The following SOX1 variants were observed in gnomAD, a reference collection of about 807,000 sequenced individuals.
The protein encoded by SOX1 is transcription factor SOX-1.
SOX1 carries 1 observed loss-of-function variant against 0.9 expected under a neutral mutation model. That is an observed-to-expected ratio of 1.07 (90% CI 0.38 to 5.06). The LOEUF (loss-of-function observed/expected upper bound fraction) is 5.06. SOX1 is among the 30% of genes most tolerant of loss of function. The probability of loss-of-function intolerance (pLI) is 0.16; values close to 1 mark genes in which losing one functional copy is unlikely to be tolerated. For synonymous variants in SOX1, 397 were observed against 265.5 expected, an observed-to-expected ratio of 1.50 and a Z score of -4.81; for missense variants, 564 against 534.4, an observed-to-expected ratio of 1.06 and a Z score of -0.55.
In SOX1 at chr13:112,067,210, G is replaced by A. The variant is rs1291126965; in HGVS notation, c.-449G>A. ...AGAAGTTGCAGCCTCCGAGTTGGAG[G>A]CCGCTGAGGACCGAGCGCAGGAGGA... is the stretch of plus-strand genomic sequence containing the variant. On this transcript the variant is annotated 5_prime_UTR_variant, in exon 1 of 1. Coordinates refer to ENST00000330949, the MANE Select transcript of SOX1 (RefSeq NM_005986.3). The surrounding 1 kb of genome is among the most constrained non-coding windows in gnomAD (Gnocchi z 5.1). Among the ~76,000 whole-genome samples, 6 of 151,970 alleles carry A rather than the reference G, an allele frequency of 3.9e-5. No individual in the cohort carries two copies. The highest frequency in any genetic ancestry group is 7.2e-5 in the African/African-American group (3 of 41,410).
rs370950886 is a variant in SOX1, at chr13:112,068,075, C to T, written c.417C>T (p.Gly139=). ...LLKKDKYSLA[G]GLLAAGAGGG... is the part of the protein sequence containing the mutation. ...AGAAGGACAAGTACTCGCTGGCCGGCGGGCTCCTGGCGGCCGGCGCGGGTG... is the reference window on the plus strand; with the variant it reads ...AGAAGGACAAGTACTCGCTGGCCGGTGGGCTCCTGGCGGCCGGCGCGGGTG... The change falls in exon 1 of 1, where the codon GGC becomes GGT. Residue 139 remains glycine (G), a synonymous_variant. Coordinates refer to ENST00000330949, the MANE Select transcript of SOX1 (RefSeq NM_005986.3). This position sits in a 1 kb window ranked among gnomAD's most constrained non-coding sequence, Gnocchi z 6.9. 27 of 1,564,952 alleles carry T rather than the reference C, an allele frequency of 1.7e-5. No homozygotes were observed. The African/African-American group carries it at 3.2e-4, about 19-fold the overall frequency.
rs1325646342 is a variant in SOX1 at position 112,070,142 on chromosome 13, T to TA, written c.*1309dup. On this transcript the variant is annotated 3_prime_UTR_variant, in exon 1 of 1. Coordinates refer to ENST00000330949, the MANE Select transcript of SOX1 (RefSeq NM_005986.3). ...GAAACACAATCGCTGAACCAAAACG[T>TA]ACTGCAGCCGAGCCCCCTCCGTCCA... 6.0e-6 allele frequency: 1 copy of TA among 167,232 alleles called. No individual in the cohort carries two copies. Among genetic ancestry groups the TA allele is most frequent in the East Asian group, 1.9e-4 (1 of 5,194 alleles). 10.4% of individuals were successfully genotyped at this position (167,232 alleles called of 1,614,324 possible). A position where few individuals can be genotyped will look rare whatever the true frequency, so the allele number is the denominator to read the frequency against.
chr13:112,068,828 C>A lies in SOX1; in HGVS notation c.1170C>A (p.His390Gln). ...TGAACGGCACGGTGCCCCTGACGCA[C>A]ATCTAGCGCCTTCGGGACGCCGGGG... ...AGVNGTVPLT[H>Q]I Residue 390 changes from histidine (H) to glutamine (Q), a missense_variant, in exon 1 of 1, where the codon CAC becomes CAA. His to Gln is a conservative substitution (Grantham distance 24). Transcript: ENST00000330949. This position sits in a 1 kb window ranked among gnomAD's most constrained non-coding sequence, Gnocchi z 6.9. 5 of 1,219,024 alleles carry A rather than the reference C, an allele frequency of 4.1e-6. No individual in the cohort carries two copies. The highest frequency in any genetic ancestry group is 5.1e-6 in the Non-Finnish European group (5 of 973,164). The allele number at this position is 1,219,024 out of a possible 1,614,324, so 75.5% of individuals were successfully genotyped here.
In SOX1 at chr13:112,067,392, AGACGGCGACCCCGAC is replaced by A. The variant is rs1880744738; in HGVS notation, c.-266_-252del. ...GGCGCCTGGGCTGCGGTGGCGGCGA[AGACGGCGACCCCGAC>A]CGTCGGCCTCTTTGGCAAGTGGTTT... On this transcript the variant is annotated 5_prime_UTR_variant, in exon 1 of 1. Transcript: ENST00000330949. The surrounding 1 kb of genome is among the most constrained non-coding windows in gnomAD (Gnocchi z 5.1). 6.6e-6 allele frequency among the ~76,000 whole-genome samples: 1 copy of A among 151,984 alleles called. No individual in the cohort carries two copies. Among genetic ancestry groups the A allele is most frequent in the Non-Finnish European group, 1.5e-5 (1 of 67,988 alleles).
In SOX1 at chr13:112,068,227, G is replaced by A; in HGVS notation, c.569G>A (p.Gly190Asp). The change falls in exon 1 of 1, where the codon GGC (glycine) becomes GAC (aspartate). Residue 190 changes from glycine to aspartate, a missense_variant. Coordinates refer to ENST00000330949, the MANE Select transcript of SOX1 (RefSeq NM_005986.3). The surrounding 1 kb of genome is among the most constrained non-coding windows in gnomAD (Gnocchi z 6.9). Reference sequence around the variant, plus strand: ...GCGCACGTCAACGGCTGGGCCAACGGCGCCTACCCCGGCTCGGTGGCGGCG... The same window carrying A: ...GCGCACGTCAACGGCTGGGCCAACGACGCCTACCCCGGCTCGGTGGCGGCG... ...GYAHVNGWAN[G>D]AYPGSVAAAA... is the part of the protein sequence containing the mutation. The A allele has an allele frequency of 1.3e-6, 1 of 747,762 alleles. No individual in the cohort carries two copies. The highest frequency in any genetic ancestry group is 5.7e-5 in the South Asian group (1 of 17,614). The allele number at this position is 747,762 out of a possible 1,614,324, so 46.3% of individuals were successfully genotyped here.
Position 112,067,671 on chromosome 13 carries a change from A to C in SOX1, c.13A>C (p.Met5Leu), listed in dbSNP as rs759813449. The C allele has an allele frequency of 1.6e-6, 2 of 1,275,268 alleles. No homozygotes were observed. The allele number at this position is 1,275,268 out of a possible 1,614,324, so 79.0% of individuals were successfully genotyped here. A position where few individuals can be genotyped will look rare whatever the true frequency, so the allele number is the denominator to read the frequency against. Residue 5 changes from methionine to leucine, a missense_variant, in exon 1 of 1, where the codon ATG becomes CTG. Coordinates refer to ENST00000330949, the MANE Select transcript of SOX1 (RefSeq NM_005986.3). The surrounding 1 kb of genome is among the most constrained non-coding windows in gnomAD (Gnocchi z 5.1). MYSM[M>L]METDLHSPGG... Reference sequence around the variant, plus strand: ...GCCAGCCGCCCCGATGTACAGCATGATGATGGAGACCGACCTGCACTCGCC... The same window carrying C: ...GCCAGCCGCCCCGATGTACAGCATGCTGATGGAGACCGACCTGCACTCGCC...
rs1459774798 is a variant in SOX1 at position 112,069,447 on chromosome 13, T to G, written c.*613T>G. ...ACTTTATGTATCTGAGCATTTCCATTTTTTTTTTTGGGTTTTGTATTATTT... is the reference window on the plus strand; with the variant it reads ...ACTTTATGTATCTGAGCATTTCCATGTTTTTTTTTGGGTTTTGTATTATTT... On this transcript the variant is annotated 3_prime_UTR_variant, in exon 1 of 1. Transcript: ENST00000330949. The G allele has an allele frequency of 7.6e-6, 1 of 130,734 alleles. No individual in the cohort carries two copies. Among genetic ancestry groups the G allele is most frequent in the Non-Finnish European group, 1.8e-5 (1 of 55,614 alleles). The allele number at this position is 130,734 out of a possible 1,614,324, so 8.1% of individuals were successfully genotyped here.
chr13:112,069,646 T>C lies in SOX1; in HGVS notation c.*812T>C, dbSNP rs1880835408. The C allele has an allele frequency of 1.8e-5, 3 of 167,058 alleles. No individual in the cohort carries two copies. The highest frequency in any genetic ancestry group is 7.2e-5 in the African/African-American group (3 of 41,424). 10.3% of individuals were successfully genotyped at this position (167,058 alleles called of 1,614,324 possible). On this transcript the variant is annotated 3_prime_UTR_variant, in exon 1 of 1. Coordinates refer to ENST00000330949, the MANE Select transcript of SOX1 (RefSeq NM_005986.3). ...AGACAGAGCCCATTTTCTCCATAAA[T>C]TTGTAACATGCTATTTTTATGTGCA...
Position 112,068,786 on chromosome 13 carries a change from G to A in SOX1, c.1128G>A (p.Gln376=). ...TGCACTCGCTGCCGCAGCACTACCA[G>A]GGCGCGGGCGCGGGCGTGAACGGCA... The part of the protein sequence containing the change: ...SRLHSLPQHY[Q]GAGAGVNGTV... The change falls in exon 1 of 1, where the codon CAG becomes CAA. Residue 376 remains glutamine, a synonymous_variant. Coordinates refer to ENST00000330949, the MANE Select transcript of SOX1 (RefSeq NM_005986.3). The surrounding 1 kb of genome is among the most constrained non-coding windows in gnomAD (Gnocchi z 6.9). 1 of 1,224,142 alleles carries A rather than the reference G, an allele frequency of 8.2e-7. No individual in the cohort carries two copies. The highest frequency in any genetic ancestry group is 3.5e-5 in the East Asian group (1 of 28,980). The allele number at this position is 1,224,142 out of a possible 1,614,324, so 75.8% of individuals were successfully genotyped here. A position where few individuals can be genotyped will look rare whatever the true frequency, so the allele number is the denominator to read the frequency against.
At position 112,067,564 on chromosome 13, in the gene SOX1, A is replaced by G. The variant is rs1437952324; in HGVS notation, c.-95A>G. The G allele has an allele frequency of 3.8e-6, 2 of 526,378 alleles. No individual in the cohort carries two copies. The highest frequency in any genetic ancestry group is 4.9e-6 in the Non-Finnish European group (2 of 405,482). 32.6% of individuals were successfully genotyped at this position (526,378 alleles called of 1,614,324 possible). ...GCTAGGACCCCCCCGCCCCCGTCTC[A>G]CTCCGTCTGAATTCCTCTCCGTCTC... On this transcript the variant is annotated 5_prime_UTR_variant, in exon 1 of 1. Coordinates refer to ENST00000330949, the MANE Select transcript of SOX1 (RefSeq NM_005986.3). This position sits in a 1 kb window ranked among gnomAD's most constrained non-coding sequence, Gnocchi z 5.1.
In SOX1 at chr13:112,067,179, C is replaced by T. The variant is rs1880737597; in HGVS notation, c.-480C>T. ...ATGCCCAGCGCACGCGGCGCGCCGC[C>T]CTGCTAGAAGTTGCAGCCTCCGAGT... On this transcript the variant is annotated 5_prime_UTR_variant, in exon 1 of 1. Transcript: ENST00000330949. This position sits in a 1 kb window ranked among gnomAD's most constrained non-coding sequence, Gnocchi z 5.1. 2.0e-5 allele frequency among the ~76,000 whole-genome samples: 3 copies of T among 151,772 alleles called. No homozygotes were observed.
rs950595520 is a variant in SOX1 at position 112,071,534 on chromosome 13, A to C, written c.*2700A>C. 1.3e-5 allele frequency among the ~76,000 whole-genome samples: 2 copies of C among 151,194 alleles called. No individual in the cohort carries two copies. The highest frequency in any genetic ancestry group is 2.4e-5 in the African/African-American group (1 of 41,064). ...ATTCTATCCCCCCTTCCCCGCCCCC[A>C]GCAGTGTCGCTCCAATTCAAATTAG... On this transcript the variant is annotated 3_prime_UTR_variant, in exon 1 of 1. Coordinates refer to ENST00000330949, the MANE Select transcript of SOX1 (RefSeq NM_005986.3).
Position 112,067,583 on chromosome 13 carries a change from C to G in SOX1, c.-76C>G. Reference sequence around the variant, plus strand: ...CGTCTCACTCCGTCTGAATTCCTCTCCGTCTCCCTCCCACCCCGGCCGTCT... The same window carrying G: ...CGTCTCACTCCGTCTGAATTCCTCTGCGTCTCCCTCCCACCCCGGCCGTCT... On this transcript the variant is annotated 5_prime_UTR_variant, in exon 1 of 1. Transcript: ENST00000330949. The surrounding 1 kb of genome is among the most constrained non-coding windows in gnomAD (Gnocchi z 5.1). The G allele has an allele frequency of 1.2e-6, 1 of 807,630 alleles. No individual in the cohort carries two copies. The highest frequency in any genetic ancestry group is 1.6e-6 in the Non-Finnish European group (1 of 634,632). The allele number at this position is 807,630 out of a possible 1,614,324, so 50.0% of individuals were successfully genotyped here. A position where few individuals can be genotyped will look rare whatever the true frequency, so the allele number is the denominator to read the frequency against.
Position 112,067,621 on chromosome 13 carries a change from C to G in SOX1, c.-38C>G. The G allele has an allele frequency of 8.1e-7, 1 of 1,238,920 alleles. No individual in the cohort carries two copies. Among genetic ancestry groups the G allele is most frequent in the Non-Finnish European group, 1.0e-6 (1 of 974,164 alleles). 76.7% of individuals were successfully genotyped at this position (1,238,920 alleles called of 1,614,324 possible). ...ACCCCGGCCGTCTATGCTCCAGGCC[C>G]TCTCCTCGCGGTGCCGGTGAACCCG... On this transcript the variant is annotated 5_prime_UTR_variant, in exon 1 of 1. Transcript: ENST00000330949. The surrounding 1 kb of genome is among the most constrained non-coding windows in gnomAD (Gnocchi z 5.1).
Position 112,067,572 on chromosome 13 carries a change from T to A in SOX1, c.-87T>A. On this transcript the variant is annotated 5_prime_UTR_variant, in exon 1 of 1. Transcript: ENST00000330949. The surrounding 1 kb of genome is among the most constrained non-coding windows in gnomAD (Gnocchi z 5.1). The stretch of plus-strand genomic sequence containing the variant: ...CCCCCCGCCCCCGTCTCACTCCGTC[T>A]GAATTCCTCTCCGTCTCCCTCCCAC... 1.7e-6 allele frequency: 1 copy of A among 601,606 alleles called. No individual in the cohort carries two copies. The highest frequency in any genetic ancestry group is 2.2e-6 in the Non-Finnish European group (1 of 464,884). The allele number at this position is 601,606 out of a possible 1,614,324, so 37.3% of individuals were successfully genotyped here.
At position 112,068,975 on chromosome 13, in the gene SOX1, C is replaced by T. The variant is rs531233226; in HGVS notation, c.*141C>T. Reference sequence around the variant, plus strand: ...TCAAAAGGAAAATACTGGAGACGAACGCCGGGTGACGCGTGTCCCCCACTC... The same window carrying T: ...TCAAAAGGAAAATACTGGAGACGAATGCCGGGTGACGCGTGTCCCCCACTC... On this transcript the variant is annotated 3_prime_UTR_variant, in exon 1 of 1. Coordinates refer to ENST00000330949, the MANE Select transcript of SOX1 (RefSeq NM_005986.3). This position sits in a 1 kb window ranked among gnomAD's most constrained non-coding sequence, Gnocchi z 6.9. 7 of 575,458 alleles carry T rather than the reference C, an allele frequency of 1.2e-5. No homozygotes were observed. In the Admixed American group the frequency reaches 1.5e-4, roughly 12 times the overall value. The allele number at this position is 575,458 out of a possible 1,614,324, so 35.6% of individuals were successfully genotyped here.
In SOX1 at chr13:112,068,612, G is replaced by A. The variant is rs1377238649; in HGVS notation, c.954G>A (p.Val318=). ...CCCTGGGCGCGCTGGGCTCTCTGGT[G>A]AAGTCGGAGCCCAGCGGCAGCCCGC... The part of the protein sequence containing the change: ...SGALGALGSL[V]KSEPSGSPPA... Residue 318 remains valine (V), a synonymous_variant, in exon 1 of 1, where the codon GTG becomes GTA. Coordinates refer to ENST00000330949, the MANE Select transcript of SOX1 (RefSeq NM_005986.3). This position sits in a 1 kb window ranked among gnomAD's most constrained non-coding sequence, Gnocchi z 6.9. 1.8e-6 allele frequency: 2 copies of A among 1,138,018 alleles called. No homozygotes were observed. Among genetic ancestry groups the A allele is most frequent in the South Asian group, 4.3e-5 (1 of 23,518 alleles). The allele number at this position is 1,138,018 out of a possible 1,614,324, so 70.5% of individuals were successfully genotyped here.
rs751571237 is a variant in SOX1 at position 112,068,992 on chromosome 13, C to T, written c.*158C>T. The T allele has an allele frequency of 7.6e-5, 36 of 474,326 alleles. No homozygotes were observed. Among genetic ancestry groups the T allele is most frequent in the Non-Finnish European group, 1.1e-4 (34 of 309,348 alleles). The allele number at this position is 474,326 out of a possible 1,614,324, so 29.4% of individuals were successfully genotyped here. A position where few individuals can be genotyped will look rare whatever the true frequency, so the allele number is the denominator to read the frequency against. On this transcript the variant is annotated 3_prime_UTR_variant, in exon 1 of 1. Coordinates refer to ENST00000330949, the MANE Select transcript of SOX1 (RefSeq NM_005986.3). The surrounding 1 kb of genome is among the most constrained non-coding windows in gnomAD (Gnocchi z 6.9). ...GAGACGAACGCCGGGTGACGCGTGT[C>T]CCCCACTCACCTTCCCCGGAGACCC...
Position 112,067,816 on chromosome 13 carries a change from G to A in SOX1, c.158G>A (p.Arg53Gln). 1 of 1,526,150 alleles carries A rather than the reference G, an allele frequency of 6.6e-7. No individual in the cohort carries two copies. The highest frequency in any genetic ancestry group is 2.6e-5 in the East Asian group (1 of 37,940). 94.5% of individuals were successfully genotyped at this position (1,526,150 alleles called of 1,614,324 possible). ...GAKANQDRVK[R>Q]PMNAFMVWSR... ...AAGGCCAACCAGGACCGGGTCAAAC[G>A]GCCCATGAACGCCTTCATGGTGTGG... Residue 53 changes from arginine (R) to glutamine (Q), a missense_variant, in exon 1 of 1, where the codon CGG becomes CAG. Coordinates refer to ENST00000330949, the MANE Select transcript of SOX1 (RefSeq NM_005986.3). The surrounding 1 kb of genome is among the most constrained non-coding windows in gnomAD (Gnocchi z 5.1).
Sources: gnomAD v4.1 joint callset for allele counts (sites outside exome capture counted in the v4.1 genomes callset) on GRCh38, gnomAD v4.1.1 for gene constraint, Gnocchi (gnomAD v3.1) non-coding constraint, MANE v1.5 for transcripts, NCBI Gene and HGNC (gene_info 2026-07-23, HGNC 2026-07-21) for gene names.